The following ZNF609 variants were observed in gnomAD, a reference collection of about 807,000 sequenced individuals.
ZNF609 encodes the protein zinc finger protein 609.
ZNF609 carries 11 observed loss-of-function variants against 109.5 expected under a neutral mutation model. That is an observed-to-expected ratio of 0.10 (90% confidence interval 0.06 to 0.17). ZNF609 has a LOEUF of 0.17. Among genes scored for constraint, ZNF609 ranks in the 10% least tolerant of loss-of-function variants. The probability of loss-of-function intolerance (pLI) is 1.00; values close to 1 mark genes in which losing one functional copy is unlikely to be tolerated. For missense variants in ZNF609, 1,559 were observed against 1,772.4 expected (o/e 0.88, Z 2.16); for synonymous variants, 646 against 662.0 (o/e 0.98, Z 0.37).
intron 2 of ZNF609, among the ~76,000 whole-genome samples, chr15:64,547,831 T>C (rs1000622579): frequency 2.6e-5 from 4 of 152,170 alleles, no homozygotes; most frequent in Non-Finnish European, 4.4e-5. Flanking sequence ...ATGAAAATAC[T>C]GATTTTTTAT....
chr15:64,475,788 C>G (rs1391684738), intron 1 of ZNF609, among the ~76,000 whole-genome samples: 1 of 152,186 alleles, frequency 6.6e-6, no homozygotes, highest in Non-Finnish European at 1.5e-5. Context: ...TCCGTAAACT[C>G]TTAGCCCAGT....
At chr15:64,651,473 G>C (rs1188225874) in intron 3 of ZNF609, among the ~76,000 whole-genome samples, 1 of 152,166 alleles carries the variant, frequency 6.6e-6, no homozygotes, top group Admixed American at 6.5e-5. Context: ...TTCCTAAAAA[G>C]GTGACTCTAG....
intron 3 of ZNF609, among the ~76,000 whole-genome samples, chr15:64,659,598 C>T (rs1896544556): frequency 6.6e-6 from 1 of 152,124 alleles, no homozygotes; most frequent in Non-Finnish European, 1.5e-5. Flanking sequence ...AGAAACTCAG[C>T]AGAGTAGTTT....
rs754431655 is a variant in ZNF609, at chr15:64,678,350, C to T, written c.3637C>T (p.Pro1213Ser). 3.7e-6 allele frequency: 6 copies of T among 1,613,996 alleles called. No homozygotes were observed. The highest frequency in any genetic ancestry group is 1.7e-5 in the Admixed American group (1 of 60,014). ...SKEPRPSVHV[P>S]VSSPLTQHQS... ...GGAGCCCCGGCCAAGTGTCCATGTGCCTGTGTCCTCCCCACTTACCCAGCA... is the reference window on the plus strand; with the variant it reads ...GGAGCCCCGGCCAAGTGTCCATGTGTCTGTGTCCTCCCCACTTACCCAGCA... The change falls in exon 6 of 10, where the codon CCT (proline) becomes TCT (serine). Residue 1213 changes from proline to serine, a missense_variant. By Grantham distance (74) the Pro-to-Ser change is moderately conservative (BLOSUM62 -1). Transcript: ENST00000326648.
At chr15:64,486,619 G>A (rs1893338408) in intron 1 of ZNF609, among the ~76,000 whole-genome samples, 1 of 151,948 alleles carries the variant, frequency 6.6e-6, no homozygotes, top group African/African-American at 2.4e-5. Flanking sequence ...AAATAGTGGG[G>A]CAGCTTTTTT....
At chr15:64,470,552 C>T (rs1893078406) in intron 1 of ZNF609, 2 of 151,602 alleles carry the variant, frequency 1.3e-5, no homozygotes, top group Admixed American at 1.3e-4. Context: ...GAGATGAAGT[C>T]GCTCTGTTGC....
At chr15:64,525,789 CT>C (rs113673431) in intron 2 of ZNF609, among the ~76,000 whole-genome samples, 147 of 144,588 alleles carry the variant, frequency 1.0e-3, no homozygotes, top group African/African-American at 8.5e-4. Context: ...TGCCCTTTTT[CT>C]TTTTTTTTTT....
Position 64,622,874 on chromosome 15 carries a change from G to T in ZNF609, c.795G>T (p.Leu265Phe), listed in dbSNP as rs377480544. ...CAGCAGTGCTGCCAATACACCTTTT[G>T]GTGCCAGTGGTCAACAATGACATCT... is the stretch of plus-strand genomic sequence containing the variant. The part of the protein sequence containing the change: ...STPAVLPIHL[L>F]VPVVNNDISS... Residue 265 changes from leucine to phenylalanine, a missense_variant, in exon 3 of 10, where the codon TTG becomes TTT. Transcript: ENST00000326648. The T allele has an allele frequency of 1.1e-5, 18 of 1,614,122 alleles. No individual in the cohort carries two copies. Among genetic ancestry groups the T allele is most frequent in the Non-Finnish European group, 1.4e-5 (16 of 1,180,058 alleles).
chr15:64,557,705 G>T (rs6494481), intron 2 of ZNF609, among the ~76,000 whole-genome samples: 36,531 of 151,990 alleles, frequency 0.24, 7,137 homozygotes, highest in African/African-American at 0.53. Context: ...AAGATTTTCT[G>T]GTTTTTTTTG....
intron 2 of ZNF609, among the ~76,000 whole-genome samples, chr15:64,585,477 G>A (rs1037820779): frequency 1.3e-5 from 2 of 152,200 alleles, no homozygotes; most frequent in African/African-American, 4.8e-5. Flanking sequence ...ACTTGAATCT[G>A]AGGTATATTT....
At chr15:64,582,776 G>T (rs1895131270) in intron 2 of ZNF609, among the ~76,000 whole-genome samples, 1 of 76,226 alleles carries the variant, frequency 1.3e-5, no homozygotes, top group South Asian at 4.6e-4. Context: ...TTTTGAGACA[G>T]AGTCTCGCTT....
At chr15:64,526,881 C>T (rs1205054483) in intron 2 of ZNF609, among the ~76,000 whole-genome samples, 1 of 152,100 alleles carries the variant, frequency 6.6e-6, no homozygotes, top group Non-Finnish European at 1.5e-5. Flanking sequence ...AACTCTTGGG[C>T]TCAAATGATC....
intron 1 of ZNF609, among the ~76,000 whole-genome samples, chr15:64,479,126 G>C (rs1893212884): frequency 6.6e-6 from 1 of 152,052 alleles, no homozygotes. Context: ...ATCTGACACA[G>C]TGGGAAGTTC....
chr15:64,594,170 G>A (rs1895350451), intron 2 of ZNF609, among the ~76,000 whole-genome samples: 1 of 152,296 alleles, frequency 6.6e-6, no homozygotes, highest in East Asian at 1.9e-4. Context: ...CACTGTGATT[G>A]TTATCTTACT....
intron 2 of ZNF609, chr15:64,500,616 T>TC: frequency 8.6e-6 from 5 of 581,270 alleles, no homozygotes; most frequent in Non-Finnish European, 1.5e-5. Flanking sequence ...GGATAAATGG[T>TC]GCTGTTGGGT....
At chr15:64,678,587 C>T (rs537248429) in intron 6 of ZNF609, 105 bp downstream of exon 6, 6 of 1,466,346 alleles carry the variant, frequency 4.1e-6, no homozygotes, top group South Asian at 2.8e-5. Context: ...TATTGAGGCT[C>T]GCTTAGATGA....
chr15:64,644,759 G>A (rs912573767), intron 3 of ZNF609, among the ~76,000 whole-genome samples: 5 of 152,204 alleles, frequency 3.3e-5, no homozygotes, highest in Admixed American at 2.0e-4. Flanking sequence ...TGATGGATGA[G>A]CTCTTGATCC....
chr15:64,614,291 C>T (rs985428058), intron 2 of ZNF609, among the ~76,000 whole-genome samples: 2 of 149,108 alleles, frequency 1.3e-5, no homozygotes, highest in Non-Finnish European at 3.0e-5. Flanking sequence ...AGTGCAGTGG[C>T]GCGATCTTGG....
intron 2 of ZNF609, among the ~76,000 whole-genome samples, chr15:64,607,839 CTTTCTTTCTTTCTT>C (rs1189023024): frequency 4.0e-5 from 1 of 25,210 alleles, no homozygotes; most frequent in Non-Finnish European, 1.3e-4. Flanking sequence ...TTCTTTCTTT[CTTTCTTTCTTTCTT>C]TCTTTCTTTC....
Sources: allele counts gnomAD v4.1 joint callset (sites outside exome capture counted in the v4.1 genomes callset), GRCh38; gene constraint gnomAD v4.1.1; transcripts MANE v1.5; gene names NCBI Gene and HGNC (gene_info 2026-07-23, HGNC 2026-07-21).